The following DHX36 variants were observed in gnomAD, a reference collection of about 807,000 sequenced individuals.
The protein encoded by DHX36 is DEAH-box helicase 36.
DHX36 carries 50 observed loss-of-function variants against 139.0 expected under a neutral mutation model. The observed-to-expected ratio is 0.36, with a 90% CI of 0.29 to 0.46. The LOEUF is 0.46. Ranked by LOEUF, DHX36 falls within the 20% of genes least tolerant of loss-of-function variation. The pLI is 1.00. For synonymous variants in DHX36, 425 were observed against 401.9 expected (o/e 1.06, Z -0.69); for missense variants, 1,024 against 1,211.3 (o/e 0.85, Z 2.29).
chr3:154,277,481 C>A, intron 23 of DHX36, 117 bp downstream of exon 23: 3 of 950,304 alleles, frequency 3.2e-6, no homozygotes, highest in Non-Finnish European at 4.3e-6. Context: ...TTACTCACGT[C>A]ACAGGAATAA....
At position 154,288,939 on chromosome 3, in the gene DHX36, T is replaced by C. The variant is rs1463763987; in HGVS notation, c.1958A>G (p.Tyr653Cys). Residue 653 changes from tyrosine (Y) to cysteine (C), a missense_variant, in exon 17 of 25, where the codon TAT becomes TGT. Coordinates refer to ENST00000496811, the MANE Select transcript of DHX36 (RefSeq NM_020865.3). ...IKILRLGGIA[Y>C]FLSRLMDPPS... ...TGGGTCCATTAATCTACTCAGAAAA[T>C]AAGCAATTCCACCTAGCCTTAAAAT... The C allele has an allele frequency of 6.3e-7, 1 of 1,579,068 alleles. No individual in the cohort carries two copies. Among genetic ancestry groups the C allele is most frequent in the Admixed American group, 1.7e-5 (1 of 58,036 alleles).
Position 154,274,672 on chromosome 3 carries a change from T to G in DHX36, c.*1499A>C, listed in dbSNP as rs1719095857. On this transcript the variant is annotated 3_prime_UTR_variant, in exon 25 of 25. Transcript: ENST00000496811. ...ACCCCCTTGAAGATCACTTCTCAGCTGCCATTCACTAGGACATGTTTATGT... is the reference window on the plus strand; with the variant it reads ...ACCCCCTTGAAGATCACTTCTCAGCGGCCATTCACTAGGACATGTTTATGT... 1 of 152,266 alleles carries G rather than the reference T, an allele frequency of 6.6e-6. No homozygotes were observed. Among genetic ancestry groups the G allele is most frequent in the African/African-American group, 2.4e-5 (1 of 41,450 alleles). 9.4% of individuals were successfully genotyped at this position (152,266 alleles called of 1,614,324 possible).
intron 12 of DHX36, among the ~76,000 whole-genome samples, chr3:154,296,476 AAATAATAAT>A (rs536569729): frequency 6.6e-6 from 1 of 151,260 alleles, no homozygotes; most frequent in East Asian, 1.9e-4. Context: ...TCCGTCTCAA[AAATAATAAT>A]AATAATAATA....
At chr3:154,314,951 C>G in intron 3 of DHX36, 95 bp downstream of exon 3, 12 of 811,076 alleles carry the variant, frequency 1.5e-5, no homozygotes, top group Non-Finnish European at 2.1e-5. Context: ...GAGGATCTCA[C>G]TGATCTATGC....
rs966233871 is a variant in DHX36, at chr3:154,276,061, C to A, written c.*110G>T. On this transcript the variant is annotated 3_prime_UTR_variant, in exon 25 of 25. Transcript: ENST00000496811. Reference sequence around the variant, plus strand: ...CTTTACTACCTACTGAAGGCTTCTACCTTACACATGAAAATTGTTCATGTC... The same window carrying A: ...CTTTACTACCTACTGAAGGCTTCTAACTTACACATGAAAATTGTTCATGTC... 2.0e-6 allele frequency: 2 copies of A among 1,012,698 alleles called. No homozygotes were observed. The highest frequency in any genetic ancestry group is 2.5e-5 in the Admixed American group (1 of 39,398). 62.7% of individuals were successfully genotyped at this position (1,012,698 alleles called of 1,614,324 possible). A position where few individuals can be genotyped will look rare whatever the true frequency, so the allele number is the denominator to read the frequency against.
chr3:154,313,180 C>T (rs1712838625), intron 3 of DHX36, among the ~76,000 whole-genome samples: 1 of 151,940 alleles, frequency 6.6e-6, no homozygotes, highest in South Asian at 2.1e-4. Context: ...TAATTATACA[C>T]AAGCTATCCC....
intron 23 of DHX36, 74 bp from the exon 24 acceptor site, chr3:154,276,973 C>A: frequency 7.8e-7 from 1 of 1,277,186 alleles, no homozygotes; most frequent in Non-Finnish European, 1.1e-6. Flanking sequence ...AACAATATTA[C>A]CAGTATTAAT....
chr3:154,308,044 G>T (rs1712576001), intron 5 of DHX36, among the ~76,000 whole-genome samples: 1 of 152,140 alleles, frequency 6.6e-6, no homozygotes, highest in Non-Finnish European at 1.5e-5. Flanking sequence ...ATAGAGTGTG[G>T]AATGGCAAAC....
At chr3:154,308,973 A>T (rs537553450) in intron 5 of DHX36, among the ~76,000 whole-genome samples, 1 of 152,246 alleles carries the variant, frequency 6.6e-6, no homozygotes. Context: ...AGATCGCTTG[A>T]GCCCAGTAGT....
chr3:154,290,829 CTAAAA>C (rs1711769339), intron 15 of DHX36, among the ~76,000 whole-genome samples: 1 of 151,722 alleles, frequency 6.6e-6, no homozygotes, highest in South Asian at 2.1e-4. Flanking sequence ...CCAGTAGAAA[CTAAAA>C]TAAGAGTACC....
rs1719056006 is a variant in DHX36 at position 154,273,523 on chromosome 3, G to T, written c.*2648C>A. 6.6e-6 allele frequency: 1 copy of T among 152,096 alleles called. No individual in the cohort carries two copies. The highest frequency in any genetic ancestry group is 2.4e-5 in the African/African-American group (1 of 41,406). The allele number at this position is 152,096 out of a possible 1,614,324, so 9.4% of individuals were successfully genotyped here. A position where few individuals can be genotyped will look rare whatever the true frequency, so the allele number is the denominator to read the frequency against. On this transcript the variant is annotated 3_prime_UTR_variant, in exon 25 of 25. Coordinates refer to ENST00000496811, the MANE Select transcript of DHX36 (RefSeq NM_020865.3). ...GATAATAAAAGTAAGGGAAAAAAAA[G>T]CACAAACAGAAACTCTTACAGAGCA...
rs963493208 is a variant in DHX36 at position 154,274,541 on chromosome 3, T to A, written c.*1630A>T. On this transcript the variant is annotated 3_prime_UTR_variant, in exon 25 of 25. Coordinates refer to ENST00000496811, the MANE Select transcript of DHX36 (RefSeq NM_020865.3). ...CTGAGTCCGTGTCTCCTTGTGATCATTAGTTGGCTGCAGCAGTTCCAACTA... is the reference window on the plus strand; with the variant it reads ...CTGAGTCCGTGTCTCCTTGTGATCAATAGTTGGCTGCAGCAGTTCCAACTA... The A allele has an allele frequency of 6.6e-6, 1 of 152,242 alleles. No homozygotes were observed. The highest frequency in any genetic ancestry group is 1.5e-5 in the Non-Finnish European group (1 of 68,106). The allele number at this position is 152,242 out of a possible 1,614,324, so 9.4% of individuals were successfully genotyped here. A position where few individuals can be genotyped will look rare whatever the true frequency, so the allele number is the denominator to read the frequency against.
At chr3:154,284,740 C>T (rs1323949060) in intron 18 of DHX36, 71 bp from the exon 19 acceptor site, 16 of 1,592,852 alleles carry the variant, frequency 1.0e-5, no homozygotes, top group Middle Eastern at 1.7e-4. Flanking sequence ...TCTAATAAAA[C>T]GCTAATGAAA....
intron 5 of DHX36, 114 bp from the exon 6 acceptor site, chr3:154,306,409 T>G: frequency 1.2e-6 from 1 of 804,860 alleles, no homozygotes; most frequent in Non-Finnish European, 2.0e-6. Flanking sequence ...CTAAATGAGT[T>G]AAAAAAATAG....
At chr3:154,288,841 T>TA (rs759987066) in intron 17 of DHX36, 25 bp downstream of exon 17, 14 of 1,382,704 alleles carry the variant, frequency 1.0e-5, no homozygotes, top group South Asian at 4.5e-5. Flanking sequence ...AAGTTAGAAT[T>TA]AAAAAAACAA....
At position 154,310,806 on chromosome 3, in the gene DHX36, AAT is replaced by A. The variant is rs71152800; in HGVS notation, c.642+828_642+829del. Among the ~76,000 whole-genome samples the A allele has an allele frequency of 3.4e-3, 192 of 56,362 alleles. 1 individual carries two copies. Among genetic ancestry groups the A allele is most frequent in the Non-Finnish European group, 4.8e-3 (163 of 34,298 alleles). 37.0% of individuals were successfully genotyped at this position (56,362 alleles called of 152,430 possible). On this transcript the variant is annotated intron_variant, in intron 4 of 24. Transcript: ENST00000496811. ...AAAAAAAAAAAAAAAAAAAAAAAAA[AAT>A]ATATATATATATATATATATATATA...
chr3:154,281,859 C>T (rs1477464843), intron 20 of DHX36, among the ~76,000 whole-genome samples: 1 of 122,446 alleles, frequency 8.2e-6, no homozygotes, highest in Non-Finnish European at 1.7e-5. Context: ...TTGTTATTAG[C>T]TCTATATTTA....
chr3:154,316,191 T>C, intron 1 of DHX36, 28 bp from the exon 2 acceptor site: 1 of 1,610,038 alleles, frequency 6.2e-7, no homozygotes, highest in East Asian at 2.2e-5. Context: ...AAAAGCATCC[T>C]TGTCAACATA....
chr3:154,313,954 C>T (rs1217565186), intron 3 of DHX36, among the ~76,000 whole-genome samples: 1 of 152,112 alleles, frequency 6.6e-6, no homozygotes, highest in Non-Finnish European at 1.5e-5. Context: ...ATATAGTACA[C>T]ATGAAGCATT....
Sources: gnomAD v4.1 joint callset for allele counts (sites outside exome capture counted in the v4.1 genomes callset) on GRCh38, gnomAD v4.1.1 for gene constraint, MANE v1.5 for transcripts, NCBI Gene and HGNC (gene_info 2026-07-23, HGNC 2026-07-21) for gene names.